NCDN: variants seen among roughly 807,000 people sequenced by gnomAD.
NCDN encodes the protein neurochondrin.
Under a neutral mutation model 60.7 loss-of-function variants are expected in NCDN, and 9 were observed. The observed-to-expected ratio is 0.15, with a 90% confidence interval of 0.09 to 0.26. The LOEUF is 0.26. Among genes scored for constraint, NCDN ranks in the 10% least tolerant of loss-of-function variants. The probability of loss-of-function intolerance (pLI) is 1.00; values close to 1 mark genes in which losing one functional copy is unlikely to be tolerated. For synonymous variants in NCDN, 409 were observed against 442.5 expected (o/e 0.92, Z 0.95); for missense variants, 578 against 975.2 (o/e 0.59, Z 5.42).
In NCDN at chr1:35,565,893, G is replaced by C; in HGVS notation, c.*230G>C. On this transcript the variant is annotated 3_prime_UTR_variant, in exon 7 of 7. Coordinates refer to ENST00000373243, the MANE Select transcript of NCDN (RefSeq NM_014284.3). This position sits in a 1 kb window ranked among gnomAD's most constrained non-coding sequence, Gnocchi z 8.9. ...GGCAGGGATCGGCTTGGAAATCAAC[G>C]TGGTTGTCCCCGCCAGGCCGGGGAA... 1.8e-6 allele frequency: 1 copy of C among 552,738 alleles called. No individual in the cohort carries two copies. The highest frequency in any genetic ancestry group is 2.3e-5 in the South Asian group (1 of 44,344). The allele number at this position is 552,738 out of a possible 1,614,324, so 34.2% of individuals were successfully genotyped here. A position where few individuals can be genotyped will look rare whatever the true frequency, so the allele number is the denominator to read the frequency against.
Position 35,562,244 on chromosome 1 carries a change from TGG to T in NCDN, c.1144-146_1144-145del. On this transcript the variant is annotated intron_variant, in intron 3 of 6. Coordinates refer to ENST00000373243, the MANE Select transcript of NCDN (RefSeq NM_014284.3). The surrounding 1 kb of genome is among the most constrained non-coding windows in gnomAD (Gnocchi z 6.8). ...TACCACATGCTAGGTGCTGGGTTCA[TGG>T]GACAGAATAAAGGTTGGGGCCTGCC... 8.5e-7 allele frequency: 1 copy of T among 1,179,590 alleles called. No individual in the cohort carries two copies. The highest frequency in any genetic ancestry group is 1.2e-6 in the Non-Finnish European group (1 of 832,656). The allele number at this position is 1,179,590 out of a possible 1,614,324, so 73.1% of individuals were successfully genotyped here.
In NCDN at chr1:35,559,165, GCCGAAACCCCAC is replaced by G; in HGVS notation, c.95_106del (p.Arg32_Thr35del). On this transcript the variant is annotated inframe_deletion, in exon 2 of 7. Transcript: ENST00000373243. ...GAGCCAGCTCTGAACCAGGCAGAGG[GCCGAAACCCCAC>G]CCTGGAGCGCTACCTGGGAGCCCTC... 6.2e-7 allele frequency: 1 copy of G among 1,614,034 alleles called. No individual in the cohort carries two copies. Among genetic ancestry groups the G allele is most frequent in the Non-Finnish European group, 8.5e-7 (1 of 1,179,994 alleles).
Position 35,563,208 on chromosome 1 carries a change from C to T in NCDN, c.1392C>T (p.Leu464=). The T allele has an allele frequency of 1.9e-6, 3 of 1,612,452 alleles. No homozygotes were observed. Among genetic ancestry groups the T allele is most frequent in the Non-Finnish European group, 2.5e-6 (3 of 1,178,716 alleles). The change falls in exon 5 of 7, where the codon CTC becomes CTT. Residue 464 remains leucine, a synonymous_variant. Coordinates refer to ENST00000373243, the MANE Select transcript of NCDN (RefSeq NM_014284.3). The surrounding 1 kb of genome is among the most constrained non-coding windows in gnomAD (Gnocchi z 6.6). ...PTWPGDALRL[L]LPGWCHLTVE... is the part of the protein sequence containing the mutation. The stretch of plus-strand genomic sequence containing the variant: ...GTCCCTTCCACATCCCCAGGCTCCT[C>T]CTGCCTGGCTGGTGCCACCTGACCG...
Position 35,562,775 on chromosome 1 carries a change from G to A in NCDN, c.1385+142G>A, listed in dbSNP as rs1484126967. On this transcript the variant is annotated intron_variant, in intron 4 of 6. Transcript: ENST00000373243. This position sits in a 1 kb window ranked among gnomAD's most constrained non-coding sequence, Gnocchi z 6.8. Reference sequence around the variant, plus strand: ...TCCCTTAGGGTTATTTCTGTTTTGGGGGGCTTGTTCCCACAGGACTCCTCG... The same window carrying A: ...TCCCTTAGGGTTATTTCTGTTTTGGAGGGCTTGTTCCCACAGGACTCCTCG... 8 of 1,272,890 alleles carry A rather than the reference G, an allele frequency of 6.3e-6. No homozygotes were observed. The South Asian group carries it at 8.0e-5, about 13-fold the overall frequency. The allele number at this position is 1,272,890 out of a possible 1,614,324, so 78.8% of individuals were successfully genotyped here.
chr1:35,562,688 C>T lies in NCDN; in HGVS notation c.1385+55C>T. On this transcript the variant is annotated intron_variant, in intron 4 of 6. Coordinates refer to ENST00000373243, the MANE Select transcript of NCDN (RefSeq NM_014284.3). This position sits in a 1 kb window ranked among gnomAD's most constrained non-coding sequence, Gnocchi z 6.8. ...AGATCATTCTACCGAAAAGCGTTAA[C>T]ACAAGGACACCCCTCCCCACAAACT... 5 of 1,552,478 alleles carry T rather than the reference C, an allele frequency of 3.2e-6. No individual in the cohort carries two copies. Among genetic ancestry groups the T allele is most frequent in the Non-Finnish European group, 3.5e-6 (4 of 1,146,376 alleles).
rs1648527772 is a variant in NCDN, at chr1:35,558,703, C to T, written c.34-404C>T. The T allele has an allele frequency of 6.2e-6, 7 of 1,137,542 alleles. No homozygotes were observed. Among genetic ancestry groups the T allele is most frequent in the Non-Finnish European group, 7.6e-6 (7 of 922,398 alleles). 70.5% of individuals were successfully genotyped at this position (1,137,542 alleles called of 1,614,324 possible). ...TCACCCATGTATGTCTCCATTTCTC[C>T]CTGTCTGTCCTCACCACTCACTCCC... On this transcript the variant is annotated intron_variant, in intron 1 of 6. Coordinates refer to ENST00000373243, the MANE Select transcript of NCDN (RefSeq NM_014284.3). The surrounding 1 kb of genome is among the most constrained non-coding windows in gnomAD (Gnocchi z 6.3).
intron 6 of NCDN, among the ~76,000 whole-genome samples, chr1:35,564,913 C>G (rs1306678659): frequency 1.3e-5 from 2 of 151,940 alleles, no homozygotes; most frequent in Non-Finnish European, 2.9e-5. Flanking sequence ...CCCATCTGAC[C>G]CTGTGACTCA....
In NCDN at chr1:35,562,686, A is replaced by G. The variant is rs1648742750; in HGVS notation, c.1385+53A>G. ...CTAGATCATTCTACCGAAAAGCGTT[A>G]ACACAAGGACACCCCTCCCCACAAA... On this transcript the variant is annotated intron_variant, in intron 4 of 6. Transcript: ENST00000373243. The surrounding 1 kb of genome is among the most constrained non-coding windows in gnomAD (Gnocchi z 6.8). 6.4e-7 allele frequency: 1 copy of G among 1,559,832 alleles called. No individual in the cohort carries two copies. The highest frequency in any genetic ancestry group is 1.4e-5 in the African/African-American group (1 of 73,846).
rs898649005 is a variant in NCDN, at chr1:35,562,675, C to T, written c.1385+42C>T. On this transcript the variant is annotated intron_variant, in intron 4 of 6. Coordinates refer to ENST00000373243, the MANE Select transcript of NCDN (RefSeq NM_014284.3). This position sits in a 1 kb window ranked among gnomAD's most constrained non-coding sequence, Gnocchi z 6.8. ...AGTCTGTCCAGCTAGATCATTCTAC[C>T]GAAAAGCGTTAACACAAGGACACCC... The T allele has an allele frequency of 1.8e-5, 28 of 1,578,334 alleles. No individual in the cohort carries two copies. The highest frequency in any genetic ancestry group is 2.1e-5 in the Non-Finnish European group (24 of 1,159,836).
In NCDN at chr1:35,558,316, G is replaced by C; in HGVS notation, c.33+93G>C. Reference sequence around the variant, plus strand: ...CGGCTTTTGGATTCTCCGTTGTCCTGGGAACTATCCGGGACCCCCTCTTGC... The same window carrying C: ...CGGCTTTTGGATTCTCCGTTGTCCTCGGAACTATCCGGGACCCCCTCTTGC... On this transcript the variant is annotated intron_variant, in intron 1 of 6. Coordinates refer to ENST00000373243, the MANE Select transcript of NCDN (RefSeq NM_014284.3). The surrounding 1 kb of genome is among the most constrained non-coding windows in gnomAD (Gnocchi z 6.3). The C allele has an allele frequency of 6.3e-7, 1 of 1,591,400 alleles. No homozygotes were observed. Among genetic ancestry groups the C allele is most frequent in the Non-Finnish European group, 8.6e-7 (1 of 1,166,068 alleles).
Position 35,561,078 on chromosome 1 carries a change from G to A in NCDN, c.927G>A (p.Leu309=). 6.2e-7 allele frequency: 1 copy of A among 1,613,698 alleles called. No homozygotes were observed. The highest frequency in any genetic ancestry group is 8.5e-7 in the Non-Finnish European group (1 of 1,179,818). ...GCTCCGGGAGCAAGTTCCTGGCCCT[G>A]CTGGTGAATCTGGCGTGCGTGGAAG... is the stretch of plus-strand genomic sequence containing the variant. The part of the protein sequence containing the change: ...AGSSGSKFLA[L]LVNLACVEVR... Residue 309 remains leucine, a synonymous_variant, in exon 3 of 7, where the codon CTG becomes CTA. Transcript: ENST00000373243. This position sits in a 1 kb window ranked among gnomAD's most constrained non-coding sequence, Gnocchi z 4.9.
rs955448691 is a variant in NCDN, at chr1:35,563,753, C to G, written c.1611-14C>G. On this transcript the variant is annotated splice_polypyrimidine_tract_variant and intron_variant, in intron 5 of 6. Transcript: ENST00000373243. The surrounding 1 kb of genome is among the most constrained non-coding windows in gnomAD (Gnocchi z 6.6). ...CCCCCACCTACCTCCATCCTTCCCC[C>G]CTTTCTTTTCCAGGCGTGACGCCTG... 75 of 1,613,388 alleles carry G rather than the reference C, an allele frequency of 4.6e-5. No homozygotes were observed. The highest frequency in any genetic ancestry group is 3.8e-4 in the South Asian group (35 of 91,004).
Position 35,565,954 on chromosome 1 carries a change from G to A in NCDN, c.*291G>A. 1.0e-5 allele frequency: 4 copies of A among 401,890 alleles called. No individual in the cohort carries two copies. The highest frequency in any genetic ancestry group is 1.8e-5 in the Non-Finnish European group (4 of 219,706). The allele number at this position is 401,890 out of a possible 1,614,324, so 24.9% of individuals were successfully genotyped here. A position where few individuals can be genotyped will look rare whatever the true frequency, so the allele number is the denominator to read the frequency against. On this transcript the variant is annotated 3_prime_UTR_variant, in exon 7 of 7. Coordinates refer to ENST00000373243, the MANE Select transcript of NCDN (RefSeq NM_014284.3). This position sits in a 1 kb window ranked among gnomAD's most constrained non-coding sequence, Gnocchi z 8.9. ...GCCCCCAGGGAGGGGGGCACTAGGT[G>A]TCATTGTGCCCGATGTCTGGCTCCC...
Position 35,563,134 on chromosome 1 carries a change from T to A in NCDN, c.1386-68T>A. On this transcript the variant is annotated intron_variant, in intron 4 of 6. Coordinates refer to ENST00000373243, the MANE Select transcript of NCDN (RefSeq NM_014284.3). The surrounding 1 kb of genome is among the most constrained non-coding windows in gnomAD (Gnocchi z 6.6). ...TCCATTTCTCTTAGGCAAGGTGCCC[T>A]AAAAAGGGAATCTATGTGCCTTCAT... 1 of 1,423,218 alleles carries A rather than the reference T, an allele frequency of 7.0e-7. No individual in the cohort carries two copies. The highest frequency in any genetic ancestry group is 9.5e-7 in the Non-Finnish European group (1 of 1,055,770). 88.2% of individuals were successfully genotyped at this position (1,423,218 alleles called of 1,614,324 possible).
Position 35,566,435 on chromosome 1 carries a change from C to G in NCDN, c.*772C>G. ...CACCTGAGCATCTGATTCCTGTCCC[C>G]CTGGTGCCATCTGGCCTGGCTGGAG... On this transcript the variant is annotated 3_prime_UTR_variant, in exon 7 of 7. Coordinates refer to ENST00000373243, the MANE Select transcript of NCDN (RefSeq NM_014284.3). The surrounding 1 kb of genome is among the most constrained non-coding windows in gnomAD (Gnocchi z 5.3). 3.8e-6 allele frequency: 1 copy of G among 262,492 alleles called. No homozygotes were observed. The highest frequency in any genetic ancestry group is 2.2e-5 in the African/African-American group (1 of 44,918). 16.3% of individuals were successfully genotyped at this position (262,492 alleles called of 1,614,324 possible). A position where few individuals can be genotyped will look rare whatever the true frequency, so the allele number is the denominator to read the frequency against.
chr1:35,558,530 G>A lies in NCDN; in HGVS notation c.33+307G>A. 7.4e-7 allele frequency: 1 copy of A among 1,348,434 alleles called. No individual in the cohort carries two copies. The highest frequency in any genetic ancestry group is 9.5e-7 in the Non-Finnish European group (1 of 1,049,686). 83.5% of individuals were successfully genotyped at this position (1,348,434 alleles called of 1,614,324 possible). On this transcript the variant is annotated intron_variant, in intron 1 of 6. Coordinates refer to ENST00000373243, the MANE Select transcript of NCDN (RefSeq NM_014284.3). This position sits in a 1 kb window ranked among gnomAD's most constrained non-coding sequence, Gnocchi z 6.3. The stretch of plus-strand genomic sequence containing the variant: ...ACTGAGAGCCCTGGCTGGAGGGGTG[G>A]GGTCCCCAAAGGGGCCTCCAAGCCT...
chr1:35,565,968 T>G lies in NCDN; in HGVS notation c.*305T>G. On this transcript the variant is annotated 3_prime_UTR_variant, in exon 7 of 7. Transcript: ENST00000373243. This position sits in a 1 kb window ranked among gnomAD's most constrained non-coding sequence, Gnocchi z 8.9. ...GGGCACTAGGTGTCATTGTGCCCGATGTCTGGCTCCCCTGCAGGAGGGAGG... is the reference window on the plus strand; with the variant it reads ...GGGCACTAGGTGTCATTGTGCCCGAGGTCTGGCTCCCCTGCAGGAGGGAGG... 5.8e-6 allele frequency: 2 copies of G among 347,722 alleles called. No homozygotes were observed. Among genetic ancestry groups the G allele is most frequent in the Non-Finnish European group, 1.1e-5 (2 of 187,018 alleles). 21.5% of individuals were successfully genotyped at this position (347,722 alleles called of 1,614,324 possible). A position where few individuals can be genotyped will look rare whatever the true frequency, so the allele number is the denominator to read the frequency against.
Position 35,565,800 on chromosome 1 carries a change from A to G in NCDN, c.*137A>G. 1.1e-6 allele frequency: 1 copy of G among 952,298 alleles called. No homozygotes were observed. The highest frequency in any genetic ancestry group is 1.7e-5 in the African/African-American group (1 of 57,398). The allele number at this position is 952,298 out of a possible 1,614,324, so 59.0% of individuals were successfully genotyped here. A position where few individuals can be genotyped will look rare whatever the true frequency, so the allele number is the denominator to read the frequency against. On this transcript the variant is annotated 3_prime_UTR_variant, in exon 7 of 7. Coordinates refer to ENST00000373243, the MANE Select transcript of NCDN (RefSeq NM_014284.3). The surrounding 1 kb of genome is among the most constrained non-coding windows in gnomAD (Gnocchi z 8.9). ...ACACCCCAGCTTTCTGGCTTTTCTG[A>G]GGGCAAGGGCATGGTGCCCACCCCT...
chr1:35,559,063 T>TCCCTC, intron 1 of NCDN, 44 bp from the exon 2 acceptor site: 1 of 401,656 alleles, frequency 2.5e-6, no homozygotes, highest in South Asian at 2.7e-5. Flanking sequence ...CCCACCCCCG[T>TCCCTC]CCCTCCTCTG....
Sources: gnomAD v4.1 joint callset for allele counts (sites outside exome capture counted in the v4.1 genomes callset) on GRCh38, gnomAD v4.1.1 for gene constraint, Gnocchi (gnomAD v3.1) non-coding constraint, MANE v1.5 for transcripts, NCBI Gene and HGNC (gene_info 2026-07-23, HGNC 2026-07-21) for gene names.